Variants in RAB3B observed in about 807,000 individuals in gnomAD.
RAB3B encodes the protein RAB3B, member RAS oncogene family.
A neutral mutation model predicts 20.5 loss-of-function variants in RAB3B; 11 were observed. The observed-to-expected ratio is 0.54, with a 90% CI of 0.34 to 0.89. The LOEUF (loss-of-function observed/expected upper bound fraction) is 0.89, where lower values mean the gene tolerates loss of function less well. RAB3B is among the 40% of genes least tolerant of loss of function. The pLI, the probability that RAB3B is intolerant of heterozygous loss-of-function variation, is 0.02. For synonymous variants in RAB3B, 99 were observed against 106.3 expected (o/e 0.93, Z 0.42); for missense variants, 225 against 280.9 (o/e 0.80, Z 1.42).
chr1:51,930,909 CA>C (rs773455028), intron 4 of RAB3B, among the ~76,000 whole-genome samples: 30 of 151,872 alleles, frequency 2.0e-4, no homozygotes, highest in Non-Finnish European at 3.7e-4. Flanking sequence ...CCCAGCTACT[CA>C]GGAAGCTGAG....
At chr1:51,935,355 A>C (rs529022148) in intron 3 of RAB3B, among the ~76,000 whole-genome samples, 3 of 152,272 alleles carry the variant, frequency 2.0e-5, no homozygotes, top group African/African-American at 7.2e-5. Flanking sequence ...ACCAGGCCCC[A>C]TTCTGGGCAC....
chr1:51,922,022 C>T (rs189134573), intron 4 of RAB3B, among the ~76,000 whole-genome samples: 4 of 152,310 alleles, frequency 2.6e-5, no homozygotes, highest in African/African-American at 9.6e-5. Flanking sequence ...TGTGGCCCAT[C>T]TCCTGACCTG....
chr1:51,988,437 T>G (rs151118653), intron 1 of RAB3B, among the ~76,000 whole-genome samples: 93 of 152,374 alleles, frequency 6.1e-4, no homozygotes, highest in African/African-American at 2.1e-3. Context: ...CATTCCATCT[T>G]GCACCAACAG....
intron 2 of RAB3B, among the ~76,000 whole-genome samples, chr1:51,945,537 A>G (rs925548855): frequency 6.6e-6 from 1 of 152,196 alleles, no homozygotes; most frequent in Non-Finnish European, 1.5e-5. Flanking sequence ...GCCTGTACCT[A>G]CCTCAGAGTT....
In RAB3B at chr1:51,933,438, T is replaced by G. The variant is rs1428017475; in HGVS notation, c.352A>C (p.Thr118Pro). Residue 118 changes from threonine to proline, a missense_variant, in exon 4 of 5, where the codon ACT becomes CCT. Thr to Pro is a conservative substitution (Grantham distance 38). Transcript: ENST00000371655. ...ESFNAVQDWA[T>P]QIKTYSWDNA... ...TCCCAGGAGTAGGTCTTGATCTGAG[T>G]AGCCCTAAAATGAGATAGAAAGAGA... 1.2e-6 allele frequency: 2 copies of G among 1,611,580 alleles called. No homozygotes were observed. The highest frequency in any genetic ancestry group is 1.7e-6 in the Non-Finnish European group (2 of 1,178,022).
rs566387613 is a variant in RAB3B at position 51,922,616 on chromosome 1, A to C, written c.473-2502T>G. On this transcript the variant is annotated intron_variant, in intron 4 of 4. Coordinates refer to ENST00000371655, the MANE Select transcript of RAB3B (RefSeq NM_002867.4). ...GCTTCCTTGCACCTCTACTGTCTCC[A>C]GGGCCTTTGGGGAAATCTCTTTGTC... Among the ~76,000 whole-genome samples the C allele has an allele frequency of 1.4e-3, 218 of 151,812 alleles. 3 individuals are homozygous for C. Among genetic ancestry groups the C allele is most frequent in the African/African-American group, 5.1e-3 (209 of 41,372 alleles).
intron 4 of RAB3B, among the ~76,000 whole-genome samples, chr1:51,921,429 C>T (rs892391814): frequency 1.3e-5 from 2 of 152,130 alleles, no homozygotes; most frequent in South Asian, 2.1e-4. Context: ...GCTGTATTAG[C>T]GGAAACTGGA....
intron 2 of RAB3B, among the ~76,000 whole-genome samples, chr1:51,943,258 C>T (rs144106238): frequency 6.8e-4 from 104 of 152,198 alleles, no homozygotes; most frequent in African/African-American, 2.3e-3. Context: ...GTGGCAGATG[C>T]CTATAATCCC....
At chr1:51,936,655 GC>G (rs1684408089) in intron 3 of RAB3B, among the ~76,000 whole-genome samples, 1 of 152,000 alleles carries the variant, frequency 6.6e-6, no homozygotes, top group Non-Finnish European at 1.5e-5. Context: ...TGTCCCTCGG[GC>G]TAACTCCTGT....
intron 2 of RAB3B, among the ~76,000 whole-genome samples, chr1:51,967,553 G>A (rs1278934175): frequency 4.8e-3 from 32 of 6,706 alleles, no homozygotes; most frequent in African/African-American, 6.3e-3. Context: ...ATAGGATCTT[G>A]CTCTGTCACC....
rs527759029 is a variant in RAB3B at position 51,919,355 on chromosome 1, T to C, written c.*572A>G. On this transcript the variant is annotated 3_prime_UTR_variant, in exon 5 of 5. Transcript: ENST00000371655. ...GCATCATTAGAGAGTCTGAGCTCTCTGAAGATTAGCTCTTCCTGTCGCCAC... is the reference window on the plus strand; with the variant it reads ...GCATCATTAGAGAGTCTGAGCTCTCCGAAGATTAGCTCTTCCTGTCGCCAC... 1 of 152,564 alleles carries C rather than the reference T, an allele frequency of 6.6e-6. No individual in the cohort carries two copies. The highest frequency in any genetic ancestry group is 2.4e-5 in the African/African-American group (1 of 41,598). 9.5% of individuals were successfully genotyped at this position (152,564 alleles called of 1,614,324 possible).
At chr1:51,933,741 T>G (rs1410239271) in intron 3 of RAB3B, among the ~76,000 whole-genome samples, 1 of 152,162 alleles carries the variant, frequency 6.6e-6, no homozygotes, top group Non-Finnish European at 1.5e-5. Context: ...GCTCCAGAAC[T>G]GTGAGAAAGA....
chr1:51,951,322 G>A (rs895335805), intron 2 of RAB3B, among the ~76,000 whole-genome samples: 1 of 152,118 alleles, frequency 6.6e-6, no homozygotes, highest in Admixed American at 6.6e-5. Flanking sequence ...TTTAGAACCA[G>A]AAGAAATCAA....
At chr1:51,982,500 C>A (rs1685100580) in intron 1 of RAB3B, among the ~76,000 whole-genome samples, 1 of 152,032 alleles carries the variant, frequency 6.6e-6, no homozygotes, top group Non-Finnish European at 1.5e-5. Flanking sequence ...AGACCTGTAA[C>A]CCCAGACTTT....
At chr1:51,986,827 C>T (rs1034560804) in intron 1 of RAB3B, among the ~76,000 whole-genome samples, 3 of 152,130 alleles carry the variant, frequency 2.0e-5, no homozygotes, top group South Asian at 4.1e-4. Context: ...TAGGAGGGGG[C>T]GGCCAGGGGC....
intron 2 of RAB3B, among the ~76,000 whole-genome samples, chr1:51,937,996 CTTTTTTTTTTTTT>C (rs77664152): frequency 1.1e-5 from 1 of 88,748 alleles, no homozygotes; most frequent in Non-Finnish European, 2.3e-5. Flanking sequence ...ATTTTTGTTT[CTTTTTTTTTTTTT>C]TTTTTTTTTT....
intron 2 of RAB3B, among the ~76,000 whole-genome samples, chr1:51,944,128 A>G (rs1445457658): frequency 6.6e-6 from 1 of 152,228 alleles, no homozygotes; most frequent in Non-Finnish European, 1.5e-5. Flanking sequence ...TTTGAAGTCA[A>G]TGCTAACTGA....
chr1:51,927,163 C>A (rs1373196407), intron 4 of RAB3B, among the ~76,000 whole-genome samples: 1 of 152,188 alleles, frequency 6.6e-6, no homozygotes, highest in Non-Finnish European at 1.5e-5. Flanking sequence ...AAAACACACA[C>A]ACACACACAG....
In RAB3B at chr1:51,911,429, T is replaced by C. The variant is rs1683997340; in HGVS notation, c.*8498A>G. On this transcript the variant is annotated 3_prime_UTR_variant, in exon 5 of 5. Coordinates refer to ENST00000371655, the MANE Select transcript of RAB3B (RefSeq NM_002867.4). ...TTGTTTGTTTTAGAATTTCTGTGCT[T>C]TGGAGCTAGAAGGATATATAAATGA... 6.6e-6 allele frequency: 1 copy of C among 152,196 alleles called. No individual in the cohort carries two copies. 9.4% of individuals were successfully genotyped at this position (152,196 alleles called of 1,614,324 possible).
Sources: gnomAD v4.1 joint callset for allele counts (sites outside exome capture counted in the v4.1 genomes callset) on GRCh38, gnomAD v4.1.1 for gene constraint, MANE v1.5 for transcripts, NCBI Gene and HGNC (gene_info 2026-07-23, HGNC 2026-07-21) for gene names.